The following MROH1 variants were observed in gnomAD, a reference collection of about 807,000 sequenced individuals.
MROH1 encodes the protein maestro heat like repeat family member 1, also known as maestro heat-like repeat-containing protein family member 1.
MROH1 carries 117 observed loss-of-function variants against 116.5 expected under a neutral mutation model. The observed-to-expected ratio is 1.00, with a 90% CI of 0.86 to 1.17. The LOEUF is 1.17. Ranked by LOEUF, MROH1 falls within the 50% of genes most tolerant of loss-of-function variation. The probability of loss-of-function intolerance (pLI) is 0.00; values close to 1 mark genes in which losing one functional copy is unlikely to be tolerated. For synonymous variants in MROH1, 921 were observed against 583.9 expected (o/e 1.58, Z -8.32); for missense variants, 1,873 against 1,338.5 (o/e 1.40, Z -6.23).
intron 1 of MROH1, among the ~76,000 whole-genome samples, chr8:144,155,464 A>G (rs1817803871): frequency 6.6e-6 from 1 of 152,022 alleles, no homozygotes; most frequent in East Asian, 1.9e-4. Context: ...TTTTTTTGAT[A>G]TCTCTAGACT....
intron 14 of MROH1, among the ~76,000 whole-genome samples, chr8:144,232,675 A>G (rs530367309): frequency 1.3e-5 from 2 of 151,808 alleles, no homozygotes; most frequent in Non-Finnish European, 2.9e-5. Context: ...TTGTATTTTC[A>G]GTAGAGATGG....
intron 14 of MROH1, among the ~76,000 whole-genome samples, chr8:144,230,833 T>C (rs868979719): frequency 2.2e-4 from 30 of 139,010 alleles, no homozygotes; most frequent in African/African-American, 7.4e-4. Flanking sequence ...TTTTAATTGA[T>C]CATTCTTGGG....
rs1029116454 is a variant in MROH1, at chr8:144,257,911, A to G, written c.3792-866A>G. On this transcript the variant is annotated intron_variant, in intron 35 of 43. Transcript: ENST00000326134. ...GTGCTCGAGGGCAGCGGAAAGCCACATGGCAGGGGCTGTGGAGTTGAAATG... is the reference window on the plus strand; with the variant it reads ...GTGCTCGAGGGCAGCGGAAAGCCACGTGGCAGGGGCTGTGGAGTTGAAATG... 1.1e-3 allele frequency among the ~76,000 whole-genome samples: 172 copies of G among 152,334 alleles called. 1 individual carries two copies. Among genetic ancestry groups the G allele is most frequent in the African/African-American group, 3.9e-3 (161 of 41,586 alleles).
At chr8:144,259,173 T>C in intron 36 of MROH1, 67 bp from the exon 37 acceptor site, 1 of 703,890 alleles carries the variant, frequency 1.4e-6, no homozygotes, top group South Asian at 1.5e-5. Context: ...CTGTGCAGGG[T>C]GGAAGGTGCC....
chr8:144,244,852 A>G (rs1267650314), intron 28 of MROH1, among the ~76,000 whole-genome samples: 2 of 151,728 alleles, frequency 1.3e-5, no homozygotes, highest in Non-Finnish European at 2.9e-5. Context: ...GGTGGGGCCG[A>G]CCCCCATGCT....
chr8:144,166,986 A>G (rs1820991418), intron 3 of MROH1, among the ~76,000 whole-genome samples: 1 of 152,196 alleles, frequency 6.6e-6, no homozygotes, highest in Non-Finnish European at 1.5e-5. Flanking sequence ...GAGGGCTGTT[A>G]AAAGTCCAGC....
At chr8:144,179,634 A>C (rs1239619772) in intron 5 of MROH1, 48 bp downstream of exon 5, 3 of 1,562,878 alleles carry the variant, frequency 1.9e-6, no homozygotes, top group Non-Finnish European at 2.6e-6. Context: ...TAGCTTGGGA[A>C]GGGAAGCTGC....
At chr8:144,202,456 A>G (rs1259716119) in intron 12 of MROH1, among the ~76,000 whole-genome samples, 5 of 87,130 alleles carry the variant, frequency 5.7e-5, no homozygotes, top group Admixed American at 1.2e-4. Context: ...CCCTCTGTGG[A>G]GGGGAAGAGA....
At chr8:144,157,015 G>A (rs1437509668) in intron 1 of MROH1, among the ~76,000 whole-genome samples, 1 of 151,954 alleles carries the variant, frequency 6.6e-6, no homozygotes, top group Non-Finnish European at 1.5e-5. Flanking sequence ...GAGCGCAGTG[G>A]CGTGATCTCG....
chr8:144,160,794 C>T (rs1247688185), intron 1 of MROH1, among the ~76,000 whole-genome samples, 176 bp from the exon 2 acceptor site: 1 of 151,600 alleles, frequency 6.6e-6, no homozygotes, highest in African/African-American at 2.4e-5. Context: ...GTCCCACCGG[C>T]TAGAACCCAG....
At chr8:144,261,085 C>T in intron 41 of MROH1, 29 bp from the exon 42 acceptor site, 1 of 775,236 alleles carries the variant, frequency 1.3e-6, no homozygotes, top group Admixed American at 1.7e-5. Flanking sequence ...GGGGCGGGGC[C>T]AGGCGGCACT....
At position 144,259,271 on chromosome 8, in the gene MROH1, C is replaced by T. The variant is rs2129972028; in HGVS notation, c.3961C>T (p.Pro1321Ser). 5.6e-6 allele frequency: 4 copies of T among 714,850 alleles called. No individual in the cohort carries two copies. The highest frequency in any genetic ancestry group is 1.0e-5 in the Non-Finnish European group (4 of 384,878). 44.3% of individuals were successfully genotyped at this position (714,850 alleles called of 1,614,324 possible). The part of the protein sequence containing the change: ...AMAEHAGPRL[P>S]LVLKTLACTH... ...GGCTGAGCACGCAGGGCCCCGACTCCCCCTGGTGCTGAAGACGCTGGCATG... is the reference window on the plus strand; with the variant it reads ...GGCTGAGCACGCAGGGCCCCGACTCTCCCTGGTGCTGAAGACGCTGGCATG... Residue 1321 changes from proline (P) to serine (S), a missense_variant, in exon 37 of 44, where the codon CCC becomes TCC. Physicochemically the swap from Pro to Ser is moderately conservative, Grantham distance 74. Transcript: ENST00000326134.
At chr8:144,202,312 G>T (rs1196851482) in intron 12 of MROH1, among the ~76,000 whole-genome samples, 1 of 150,092 alleles carries the variant, frequency 6.7e-6, no homozygotes, top group African/African-American at 2.5e-5. Context: ...GGAAGGCAGC[G>T]ACCCGCTCTG....
Position 144,180,786 on chromosome 8 carries a change from G to A in MROH1, c.562+263G>A, listed in dbSNP as rs1032323777. Among the ~76,000 whole-genome samples the A allele has an allele frequency of 1.3e-5, 2 of 152,126 alleles. No homozygotes were observed. The highest frequency in any genetic ancestry group is 2.4e-5 in the African/African-American group (1 of 41,424). ...TCCACTGAGGGCTGGACGTGCCTGGGGGGTAGGAAGAGACTTCCTCGAAGC... is the reference window on the plus strand; with the variant it reads ...TCCACTGAGGGCTGGACGTGCCTGGAGGGTAGGAAGAGACTTCCTCGAAGC... On this transcript the variant is annotated intron_variant, in intron 7 of 43. Transcript: ENST00000326134. This position sits in a 1 kb window ranked among gnomAD's most constrained non-coding sequence, Gnocchi z 7.4.
Position 144,180,475 on chromosome 8 carries a change from G to A in MROH1, c.514G>A (p.Val172Met), listed in dbSNP as rs201317050. Residue 172 changes from valine to methionine, a missense_variant, in exon 7 of 44, where the codon GTG (valine) becomes ATG (methionine). By Grantham distance (21) the Val-to-Met change is conservative. Transcript: ENST00000326134. This position sits in a 1 kb window ranked among gnomAD's most constrained non-coding sequence, Gnocchi z 7.4. ...LPSVLSSLLP[V>M]LGVAKQDTVR... is the part of the protein sequence containing the mutation. ...ATCCGTCCTGAGCTCCCTGCTGCCCGTGCTGGGCGTGGCCAAGCAGGACAC... is the reference window on the plus strand; with the variant it reads ...ATCCGTCCTGAGCTCCCTGCTGCCCATGCTGGGCGTGGCCAAGCAGGACAC... 50 of 1,612,374 alleles carry A rather than the reference G, an allele frequency of 3.1e-5. No individual in the cohort carries two copies. The highest frequency in any genetic ancestry group is 1.9e-4 in the African/African-American group (14 of 74,936).
chr8:144,238,660 C>T (rs1206038935), intron 14 of MROH1, 96 bp from the exon 15 acceptor site: 11 of 710,206 alleles, frequency 1.5e-5, no homozygotes, highest in African/African-American at 3.5e-5. Flanking sequence ...TGACCTGCGG[C>T]GAGGCTCAGG....
At position 144,166,541 on chromosome 8, in the gene MROH1, C is replaced by T. The variant is rs1820877572; in HGVS notation, c.23-1754C>T. On this transcript the variant is annotated intron_variant, in intron 3 of 43. Coordinates refer to ENST00000326134, the MANE Select transcript of MROH1 (RefSeq NM_032450.3). ...GTGAAGCTCTGCCCACTTGTCCCTG[C>T]TCCCTAGAGCTCTGTCCAAGGGATG... is the stretch of plus-strand genomic sequence containing the variant. 2.0e-5 allele frequency among the ~76,000 whole-genome samples: 3 copies of T among 152,162 alleles called. No homozygotes were observed. In the South Asian group the frequency reaches 6.2e-4, roughly 32 times the overall value.
chr8:144,242,846 G>A (rs1291060709), intron 24 of MROH1, among the ~76,000 whole-genome samples: 3 of 152,186 alleles, frequency 2.0e-5, no homozygotes, highest in African/African-American at 4.8e-5. Flanking sequence ...CTGCGCCTCC[G>A]AGGGGCCGGG....
intron 29 of MROH1, among the ~76,000 whole-genome samples, chr8:144,245,870 A>AGGG: frequency 6.6e-6 from 1 of 152,068 alleles, no homozygotes; most frequent in Non-Finnish European, 1.5e-5. Context: ...TACATTGCCC[A>AGGG]GGCTGGTCTT....
Sources: gnomAD v4.1 joint callset for allele counts (sites outside exome capture counted in the v4.1 genomes callset) on GRCh38, gnomAD v4.1.1 for gene constraint, Gnocchi (gnomAD v3.1) non-coding constraint, MANE v1.5 for transcripts, NCBI Gene and HGNC (gene_info 2026-07-23, HGNC 2026-07-21) for gene names.